The following ITGAE variants were observed in gnomAD, a reference collection of about 807,000 sequenced individuals.
ITGAE encodes the protein integrin alpha-E.
ITGAE carries 99 observed loss-of-function variants against 136.5 expected under a neutral mutation model. The ratio of observed to expected loss-of-function variants is 0.73; its 90% CI spans 0.62 to 0.86. ITGAE has a LOEUF of 0.86. Ranked by LOEUF, ITGAE falls within the 40% of genes least tolerant of loss-of-function variation. The pLI, the probability that ITGAE is intolerant of heterozygous loss-of-function variation, is 0.00. For missense variants in ITGAE, 1,447 were observed against 1,515.3 expected, an observed-to-expected ratio of 0.95 and a Z score of 0.75; for synonymous variants, 613 against 591.8, an observed-to-expected ratio of 1.04 and a Z score of -0.52.
chr17:3,723,321 C>T lies in ITGAE; in HGVS notation c.3204G>A (p.Val1068=). The change falls in exon 28 of 31, where the codon GTG becomes GTA. Residue 1068 remains valine, a synonymous_variant. Coordinates refer to ENST00000263087, the MANE Select transcript of ITGAE (RefSeq NM_002208.5). ...VIASDKENVT[V]AAEISWDHSE... ...AGTGATCCCAGGAGATCTCTGCAGC[C>T]ACGGTGACATTTTCTTTATCTGAAG... 1.2e-6 allele frequency: 2 copies of T among 1,613,802 alleles called. No homozygotes were observed. Among genetic ancestry groups the T allele is most frequent in the Non-Finnish European group, 1.7e-6 (2 of 1,179,672 alleles).
intron 10 of ITGAE, among the ~76,000 whole-genome samples, chr17:3,756,410 T>C (rs963302280): frequency 2.0e-5 from 3 of 147,650 alleles, no homozygotes; most frequent in Non-Finnish European, 3.0e-5. Context: ...ATTTTTTTTT[T>C]TTTTTTTTTG....
intron 9 of ITGAE, 84 bp downstream of exon 9, chr17:3,757,622 G>A: frequency 6.9e-7 from 1 of 1,452,076 alleles, no homozygotes; most frequent in Non-Finnish European, 9.5e-7. Context: ...GCTGCTTACA[G>A]AAAAGCCCCC....
chr17:3,727,122 A>G (rs988559548), intron 26 of ITGAE, among the ~76,000 whole-genome samples: 10 of 152,100 alleles, frequency 6.6e-5, no homozygotes, highest in Admixed American at 3.3e-4. Flanking sequence ...GAGCAAAAAA[A>G]AAATGCCCAG....
At chr17:3,778,577 A>G (rs774363788) in intron 1 of ITGAE, among the ~76,000 whole-genome samples, 37 of 149,950 alleles carry the variant, frequency 2.5e-4, no homozygotes, top group Non-Finnish European at 4.3e-4. Flanking sequence ...CAACAACAAC[A>G]AATATCATTA....
intron 19 of ITGAE, 99 bp from the exon 20 acceptor site, chr17:3,739,977 C>G: frequency 1.1e-6 from 1 of 889,608 alleles, no homozygotes; most frequent in Non-Finnish European, 1.9e-6. Flanking sequence ...GGCTGTGCCT[C>G]CTGCTCACCC....
chr17:3,717,001 C>T (rs1017756476), intron 29 of ITGAE: 14 of 494,552 alleles, frequency 2.8e-5, no homozygotes, highest in African/African-American at 7.8e-5. Flanking sequence ...CCAAATACTT[C>T]GTAAGAAACT....
intron 16 of ITGAE, among the ~76,000 whole-genome samples, chr17:3,750,134 T>C (rs1422192847): frequency 2.0e-5 from 3 of 152,224 alleles, no homozygotes; most frequent in Non-Finnish European, 2.9e-5. Context: ...GGTGCTCTTA[T>C]AATTCCTAGG....
At chr17:3,727,731 AACTG>A (rs971869689) in intron 26 of ITGAE, among the ~76,000 whole-genome samples, 184 bp downstream of exon 26, 1 of 152,156 alleles carries the variant, frequency 6.6e-6, no homozygotes, top group African/African-American at 2.4e-5. Flanking sequence ...AAGGGAGGAA[AACTG>A]ACAGGTTGCT....
In ITGAE at chr17:3,757,727, AC is replaced by A. The variant is rs1254572482; in HGVS notation, c.998del (p.Gly333ValfsTer22). ...TTVINSPKMQ[G>X]VERFAIGVGE... ...TTACCCCAATGGCAAAGCGCTCAAC[AC>A]CCTGCATTTTGGGGGAGTTGATGAC... On this transcript the variant is annotated frameshift_variant, in exon 9 of 31. Transcript: ENST00000263087. LOFTEE classifies it high-confidence loss of function. The A allele has an allele frequency of 4.3e-6, 7 of 1,613,718 alleles. No homozygotes were observed. Among genetic ancestry groups the A allele is most frequent in the Non-Finnish European group, 5.9e-6 (7 of 1,179,968 alleles).
At chr17:3,764,803 C>CA (rs1444372634) in intron 2 of ITGAE, among the ~76,000 whole-genome samples, 3 of 152,206 alleles carry the variant, frequency 2.0e-5, no homozygotes, top group Non-Finnish European at 4.4e-5. Flanking sequence ...TTCTTGCCCC[C>CA]ACCCAGGCCC....
chr17:3,746,873 G>A lies in ITGAE; in HGVS notation c.2156-946C>T, dbSNP rs1297415877. ...CCCAAAGTGCTGGGATTACAGGCGT[G>A]AGCTACCACACCCGGCCAGGTCTGT... On this transcript the variant is annotated intron_variant, in intron 17 of 30. Transcript: ENST00000263087. 5.9e-5 allele frequency among the ~76,000 whole-genome samples: 9 copies of A among 152,288 alleles called. No individual in the cohort carries two copies. In the East Asian group the frequency reaches 9.6e-4, roughly 16 times the overall value.
chr17:3,724,700 G>A (rs781428065), intron 26 of ITGAE: 2 of 1,614,098 alleles, frequency 1.2e-6, no homozygotes, highest in South Asian at 1.1e-5. Context: ...GAACCCCTGA[G>A]GATTCTGAGT....
chr17:3,761,482 G>A lies in ITGAE; in HGVS notation c.354C>T (p.Leu118=). Residue 118 remains leucine (L), a synonymous_variant, in exon 5 of 31, where the codon CTC becomes CTT. Coordinates refer to ENST00000263087, the MANE Select transcript of ITGAE (RefSeq NM_002208.5). ...IQVLVRRPHS[L]SSELTGTCSL... ...TACAGGTGCCTGTGAGTTCTGAGCT[G>A]AGGCTGTGAGGCCGCCGGACCAGCA... 6.2e-7 allele frequency: 1 copy of A among 1,614,014 alleles called. No individual in the cohort carries two copies. Among genetic ancestry groups the A allele is most frequent in the East Asian group, 2.2e-5 (1 of 44,882 alleles).
intron 29 of ITGAE, among the ~76,000 whole-genome samples, chr17:3,719,253 AAAAG>A (rs1555572877): frequency 7.3e-5 from 8 of 109,532 alleles, no homozygotes; most frequent in African/African-American, 3.1e-4. Context: ...AAAAAAAAAA[AAAAG>A]AAAAGAAAAG....
chr17:3,774,395 A>G (rs1345308496), intron 2 of ITGAE, among the ~76,000 whole-genome samples: 1 of 152,156 alleles, frequency 6.6e-6, no homozygotes, highest in African/African-American at 2.4e-5. Context: ...GATTGAAATC[A>G]ATGACAGAGA....
chr17:3,715,998 T>C (rs566987299), intron 30 of ITGAE, among the ~76,000 whole-genome samples: 52 of 151,412 alleles, frequency 3.4e-4, no homozygotes, highest in Non-Finnish European at 6.3e-4. Flanking sequence ...CTACTAAAAA[T>C]ACAAAACAAT....
chr17:3,796,380 T>C (rs955803265), intron 1 of ITGAE, among the ~76,000 whole-genome samples: 18 of 152,070 alleles, frequency 1.2e-4, no homozygotes, highest in African/African-American at 4.1e-4. Context: ...GAAAACAGCA[T>C]TGTCTTGGTA....
At chr17:3,725,281 C>T in intron 26 of ITGAE, 7 of 1,614,180 alleles carry the variant, frequency 4.3e-6, no homozygotes, top group Non-Finnish European at 5.9e-6. Context: ...CCCTTAAACA[C>T]TCTAAGTATT....
chr17:3,754,119 TCA>T (rs2051942444), intron 12 of ITGAE, among the ~76,000 whole-genome samples, 194 bp from the exon 13 acceptor site: 1 of 152,142 alleles, frequency 6.6e-6, no homozygotes, highest in African/African-American at 2.4e-5. Context: ...CACATCCCCA[TCA>T]CACAGATATG....
Sources: gnomAD v4.1 joint callset for allele counts (sites outside exome capture counted in the v4.1 genomes callset) on GRCh38, gnomAD v4.1.1 for gene constraint, MANE v1.5 for transcripts, NCBI Gene and HGNC (gene_info 2026-07-23, HGNC 2026-07-21) for gene names.